The following TYW1 variants were observed in gnomAD, a reference collection of about 807,000 sequenced individuals.
TYW1 encodes tRNA-yW synthesizing protein 1 homolog, also known as S-adenosyl-L-methionine-dependent tRNA 4-demethylwyosine synthase TYW1.
In TYW1, 46 loss-of-function variants were observed where a neutral mutation model predicts 96.2. The ratio of observed to expected loss-of-function variants is 0.48; its 90% CI spans 0.38 to 0.61. The LOEUF is 0.61. Among genes scored for constraint, TYW1 ranks in the 20% least tolerant of loss-of-function variants. The pLI is 0.00. For synonymous variants in TYW1, 274 were observed against 323.0 expected (o/e 0.85, Z 1.63); for missense variants, 684 against 909.6 (o/e 0.75, Z 3.19).
chr7:67,232,306 G>A (rs11764349), intron 15 of TYW1, among the ~76,000 whole-genome samples: 1 of 151,050 alleles, frequency 6.6e-6, no homozygotes, highest in Non-Finnish European at 1.5e-5. Context: ...ATGGTCATTG[G>A]TTATATGCTT....
intron 15 of TYW1, among the ~76,000 whole-genome samples, chr7:67,215,293 C>T (rs1000497092): frequency 9.9e-5 from 15 of 152,084 alleles, no homozygotes; most frequent in African/African-American, 3.1e-4. Context: ...CCCCACTTGA[C>T]GCAGTCACAA....
chr7:67,183,195 C>G lies in TYW1; in HGVS notation c.1768C>G (p.Gln590Glu). The G allele has an allele frequency of 1.2e-6, 2 of 1,610,724 alleles. No individual in the cohort carries two copies. Among genetic ancestry groups the G allele is most frequent in the Non-Finnish European group, 1.7e-6 (2 of 1,178,326 alleles). ...CGTGGACGAGCTCCAGGCCTACGCG[C>G]AGCTCGTGTCCCTGGGGAATCCTGA... ...WNVDELQAYA[Q>E]LVSLGNPDFI... is the part of the protein sequence containing the mutation. The change falls in exon 14 of 16, where the codon CAG becomes GAG. Residue 590 changes from glutamine (Q) to glutamate (E), a missense_variant. Gln to Glu is a conservative substitution (Grantham distance 29, BLOSUM62 2). Coordinates refer to ENST00000359626, the MANE Select transcript of TYW1 (RefSeq NM_018264.4).
chr7:67,035,747 C>T (rs942986402), intron 7 of TYW1, among the ~76,000 whole-genome samples: 19 of 152,062 alleles, frequency 1.2e-4, no homozygotes, highest in Non-Finnish European at 1.9e-4. Flanking sequence ...GGCGCCATCT[C>T]GCTGACTGCA....
At chr7:67,132,000 G>A (rs1196604893) in intron 13 of TYW1, among the ~76,000 whole-genome samples, 2 of 152,078 alleles carry the variant, frequency 1.3e-5, no homozygotes, top group African/African-American at 4.8e-5. Flanking sequence ...CAGATTGAGG[G>A]GTGGATCTGC....
chr7:67,149,632 T>TA (rs1248030897), intron 13 of TYW1, among the ~76,000 whole-genome samples: 1 of 152,150 alleles, frequency 6.6e-6, no homozygotes, highest in Non-Finnish European at 1.5e-5. Context: ...GAGCAGCTCT[T>TA]AGAGTTTGTT....
At chr7:67,111,240 G>A (rs1276683605) in intron 12 of TYW1, among the ~76,000 whole-genome samples, 1 of 151,238 alleles carries the variant, frequency 6.6e-6, no homozygotes, top group Non-Finnish European at 1.5e-5. Context: ...ATCTTGCTCT[G>A]TCACCCAGGC....
rs1388690507 is a variant in TYW1, at chr7:67,124,169, C to T, written c.1698+6551C>T. Among the ~76,000 whole-genome samples, 11 of 152,240 alleles carry T rather than the reference C, an allele frequency of 7.2e-5. No individual in the cohort carries two copies. The East Asian group carries it at 1.5e-3, about 21-fold the overall frequency. ...TTACTATACTGCATTACATCTTCTA[C>T]GGTTTTTATGCATGTTCATACATAT... On this transcript the variant is annotated intron_variant, in intron 13 of 15. Transcript: ENST00000359626.
intron 7 of TYW1, among the ~76,000 whole-genome samples, chr7:67,033,289 G>A (rs1794729603): frequency 6.6e-6 from 1 of 152,046 alleles, no homozygotes; most frequent in East Asian, 1.9e-4. Context: ...TGCTCTACTT[G>A]ACCAATGGGT....
chr7:66,999,050 T>C (rs1313325429), intron 3 of TYW1, 96 bp downstream of exon 3: 1 of 1,237,298 alleles, frequency 8.1e-7, no homozygotes, highest in Non-Finnish European at 1.2e-6. Context: ...CCTTTAGCAG[T>C]GAACTGAATT....
At chr7:67,029,409 G>A (rs376157509) in intron 7 of TYW1, among the ~76,000 whole-genome samples, 29,651 of 104,362 alleles carry the variant, frequency 0.28, 4,424 homozygotes, top group Admixed American at 0.33. Flanking sequence ...GTGTGTGTGT[G>A]TGTGTGTATA....
intron 10 of TYW1, among the ~76,000 whole-genome samples, chr7:67,081,017 T>A (rs972107700): frequency 6.7e-6 from 1 of 150,330 alleles, no homozygotes; most frequent in Admixed American, 6.6e-5. Context: ...TTTTTTTTTT[T>A]CTCATTTGTA....
intron 11 of TYW1, among the ~76,000 whole-genome samples, chr7:67,098,079 A>G (rs1000676473): frequency 2.6e-5 from 4 of 152,164 alleles, no homozygotes; most frequent in Non-Finnish European, 5.9e-5. Flanking sequence ...ATGAAGCCAA[A>G]GATAAGAACG....
Position 67,080,940 on chromosome 7 carries a change from G to GTTTTTTTTTTTTTTTTTTTTTTTTT in TYW1, c.1275-2487_1275-2463dup, listed in dbSNP as rs71049495. Among the ~76,000 whole-genome samples the GTTTTTTTTTTTTTTTTTTTTTTTTT allele has an allele frequency of 1.6e-4, 6 of 37,250 alleles. 1 individual carries two copies. The highest frequency in any genetic ancestry group is 9.0e-4 in the East Asian group (1 of 1,106). The allele number at this position is 37,250 out of a possible 152,430, so 24.4% of individuals were successfully genotyped here. On this transcript the variant is annotated intron_variant, in intron 10 of 15. Transcript: ENST00000359626. The stretch of plus-strand genomic sequence containing the variant: ...TGTATATTGTTTTTGCTTTCTTACT[G>GTTTTTTTTTTTTTTTTTTTTTTTTT]TTTTTTTTTTTTTTTTTTTTTTTTT...
intron 13 of TYW1, among the ~76,000 whole-genome samples, chr7:67,122,549 T>C (rs1292401924): frequency 6.6e-6 from 1 of 152,206 alleles, no homozygotes; most frequent in Non-Finnish European, 1.5e-5. Flanking sequence ...AACACAGTAA[T>C]TAACATTTGA....
At chr7:67,108,002 G>A (rs1797293097) in intron 12 of TYW1, among the ~76,000 whole-genome samples, 1 of 150,820 alleles carries the variant, frequency 6.6e-6, no homozygotes, top group Non-Finnish European at 1.5e-5. Flanking sequence ...TCAGCCTCCC[G>A]AGTATCTGGG....
Position 67,008,498 on chromosome 7 carries a change from C to T in TYW1, c.274-1085C>T, listed in dbSNP as rs28688790. ...TCACTCCAGTAAGCCATCTCATTAG[C>T]GTACAAAAGATATTCATTCCATCTT... On this transcript the variant is annotated intron_variant, in intron 3 of 15. Coordinates refer to ENST00000359626, the MANE Select transcript of TYW1 (RefSeq NM_018264.4). Among the ~76,000 whole-genome samples the T allele has an allele frequency of 4.9e-3, 748 of 152,266 alleles. 13 individuals are homozygous for T. Among genetic ancestry groups the T allele is most frequent in the African/African-American group, 0.017 (704 of 41,554 alleles).
intron 10 of TYW1, among the ~76,000 whole-genome samples, chr7:67,072,538 C>T (rs879295076): frequency 1.4e-4 from 22 of 152,150 alleles, no homozygotes; most frequent in Middle Eastern, 3.4e-3. Flanking sequence ...TGAGCCACCG[C>T]GCCTGACCCC....
intron 10 of TYW1, among the ~76,000 whole-genome samples, chr7:67,077,644 C>A (rs1796246990): frequency 1.3e-5 from 2 of 151,826 alleles, no homozygotes; most frequent in African/African-American, 4.9e-5. Context: ...GGATATTAAT[C>A]CCTTGTTTGA....
At chr7:67,173,412 G>A (rs1216921131) in intron 13 of TYW1, among the ~76,000 whole-genome samples, 1 of 152,098 alleles carries the variant, frequency 6.6e-6, no homozygotes. Context: ...CTGTAAAATG[G>A]TAGTTACAAC....
Sources: allele counts gnomAD v4.1 joint callset (sites outside exome capture counted in the v4.1 genomes callset), GRCh38; gene constraint gnomAD v4.1.1; transcripts MANE v1.5; gene names NCBI Gene and HGNC (gene_info 2026-07-23, HGNC 2026-07-21).